The following ENOX1 variants were observed in gnomAD, a reference collection of about 807,000 sequenced individuals.
The protein encoded by ENOX1 is ecto-NOX disulfide-thiol exchanger 1.
Under a neutral mutation model 82.5 loss-of-function variants are expected in ENOX1, and 42 were observed. That is an observed-to-expected ratio of 0.51 (90% CI 0.40 to 0.66). ENOX1 has a LOEUF of 0.66. Among genes scored for constraint, ENOX1 ranks in the 30% least tolerant of loss-of-function variants. The pLI, the probability that ENOX1 is intolerant of heterozygous loss-of-function variation, is 0.00. For synonymous variants in ENOX1, 271 were observed against 282.2 expected (o/e 0.96, Z 0.40); for missense variants, 608 against 811.6 (o/e 0.75, Z 3.05).
At chr13:43,577,156 G>C (rs1364118280) in intron 2 of ENOX1, among the ~76,000 whole-genome samples, 1 of 151,334 alleles carries the variant, frequency 6.6e-6, no homozygotes, top group African/African-American at 2.4e-5. Context: ...TTTTGAGACA[G>C]AGTCTCGCTC....
At chr13:43,521,774 G>A (rs1429593262) in intron 2 of ENOX1, among the ~76,000 whole-genome samples, 2 of 152,124 alleles carry the variant, frequency 1.3e-5, no homozygotes, top group Admixed American at 6.6e-5. Context: ...GCTCCCTGAG[G>A]TCTGGTCTGA....
At chr13:43,236,388 C>A (rs1122760) in intron 15 of ENOX1, among the ~76,000 whole-genome samples, 25,924 of 152,128 alleles carry the variant, frequency 0.17, 2,265 homozygotes, top group African/African-American at 0.21. Flanking sequence ...TGAGATGCAA[C>A]TTAGCGTATT....
chr13:43,612,677 T>C (rs1242583787), intron 2 of ENOX1, among the ~76,000 whole-genome samples: 1 of 152,194 alleles, frequency 6.6e-6, no homozygotes, highest in Non-Finnish European at 1.5e-5. Context: ...AAAAAGTTAG[T>C]CTGGTAACTC....
intron 1 of ENOX1, among the ~76,000 whole-genome samples, chr13:43,747,840 C>T (rs184684872): frequency 6.6e-6 from 1 of 152,174 alleles, no homozygotes; most frequent in Non-Finnish European, 1.5e-5. Flanking sequence ...GGATAGAATT[C>T]ATGGAAGTTC....
intron 14 of ENOX1, among the ~76,000 whole-genome samples, chr13:43,264,914 C>A (rs1392575515): frequency 6.6e-6 from 1 of 152,208 alleles, no homozygotes; most frequent in East Asian, 1.9e-4. Flanking sequence ...GATGGATGCA[C>A]TGTGCTACTG....
intron 11 of ENOX1, among the ~76,000 whole-genome samples, chr13:43,311,651 G>A (rs1022250573): frequency 7.9e-5 from 12 of 152,180 alleles, no homozygotes; most frequent in African/African-American, 2.7e-4. Context: ...GTTATGCTAC[G>A]AGGATTTTTC....
intron 1 of ENOX1, among the ~76,000 whole-genome samples, chr13:43,676,627 TC>T (rs1487230720): frequency 6.6e-6 from 1 of 152,096 alleles, no homozygotes; most frequent in Non-Finnish European, 1.5e-5. Flanking sequence ...ATAATATTTT[TC>T]CAAAGGACCC....
intron 1 of ENOX1, among the ~76,000 whole-genome samples, chr13:43,772,403 TTGTCTATTCTGTGTC>T (rs1321619764): frequency 1.3e-5 from 2 of 152,038 alleles, no homozygotes; most frequent in African/African-American, 4.8e-5. Context: ...GGTTATCCAT[TTGTCTATTCTGTGTC>T]TGATTGTAAT....
intron 3 of ENOX1, among the ~76,000 whole-genome samples, chr13:43,438,463 A>C (rs956123807): frequency 2.6e-5 from 4 of 152,208 alleles, no homozygotes; most frequent in Non-Finnish European, 4.4e-5. Flanking sequence ...AACATTCAAA[A>C]ATGAATCCCA....
chr13:43,493,282 A>G (rs545994417), intron 2 of ENOX1, among the ~76,000 whole-genome samples: 2 of 152,262 alleles, frequency 1.3e-5, no homozygotes, highest in African/African-American at 4.8e-5. Context: ...TCACTTGATT[A>G]TGGAGGCTGA....
intron 16 of ENOX1, among the ~76,000 whole-genome samples, chr13:43,219,790 C>T (rs1202726816): frequency 6.6e-6 from 1 of 152,202 alleles, no homozygotes; most frequent in Non-Finnish European, 1.5e-5. Context: ...TCAATTTGTT[C>T]TCATCATGGT....
At chr13:43,466,699 C>A (rs1240470833) in intron 3 of ENOX1, among the ~76,000 whole-genome samples, 1 of 152,122 alleles carries the variant, frequency 6.6e-6, no homozygotes, top group Non-Finnish European at 1.5e-5. Context: ...TCAATGCTTT[C>A]TAGTACATTC....
chr13:43,322,539 C>T, intron 10 of ENOX1, 38 bp from the exon 11 acceptor site: 1 of 1,546,170 alleles, frequency 6.5e-7, no homozygotes, highest in Non-Finnish European at 8.9e-7. Context: ...GAGTCACAGA[C>T]ACATATGGCT....
intron 3 of ENOX1, among the ~76,000 whole-genome samples, chr13:43,451,450 T>A (rs2056961010): frequency 6.6e-6 from 1 of 152,168 alleles, no homozygotes; most frequent in African/African-American, 2.4e-5. Context: ...CTTCATAAAA[T>A]ATAAAGCCCA....
intron 3 of ENOX1, among the ~76,000 whole-genome samples, chr13:43,428,952 C>T (rs1313840460): frequency 6.6e-6 from 1 of 152,192 alleles, no homozygotes; most frequent in East Asian, 1.9e-4. Flanking sequence ...ATCAAAGTCC[C>T]TCTGCATGCT....
intron 3 of ENOX1, among the ~76,000 whole-genome samples, chr13:43,483,391 C>T (rs1355301182): frequency 6.6e-6 from 1 of 152,186 alleles, no homozygotes; most frequent in Admixed American, 6.5e-5. Flanking sequence ...AATGCTTGCT[C>T]TACTAGCAAG....
At chr13:43,439,369 T>C (rs2056231211) in intron 3 of ENOX1, among the ~76,000 whole-genome samples, 1 of 151,920 alleles carries the variant, frequency 6.6e-6, no homozygotes, top group African/African-American at 2.4e-5. Flanking sequence ...GCCTGGCTAA[T>C]TTTTGTATTT....
At chr13:43,445,134 T>A (rs2153626377) in intron 3 of ENOX1, among the ~76,000 whole-genome samples, 1 of 151,510 alleles carries the variant, frequency 6.6e-6, no homozygotes, top group Non-Finnish European at 1.5e-5. Context: ...GGTTTTTTTT[T>A]TTTTTTTGAT....
chr13:43,417,582 C>A (rs1594471259), intron 3 of ENOX1, among the ~76,000 whole-genome samples: 1 of 152,166 alleles, frequency 6.6e-6, no homozygotes, highest in South Asian at 2.1e-4. Flanking sequence ...TCATTCACAT[C>A]AATTTCTCTG....
Sources: gnomAD v4.1 joint callset for allele counts (sites outside exome capture counted in the v4.1 genomes callset) on GRCh38, gnomAD v4.1.1 for gene constraint, MANE v1.5 for transcripts, NCBI Gene and HGNC (gene_info 2026-07-23, HGNC 2026-07-21) for gene names.